Variants in FMO4 observed in about 807,000 individuals in gnomAD.
The protein encoded by FMO4 is flavin containing dimethylaniline monoxygenase 4, also known as dimethylaniline monooxygenase [N-oxide-forming] 4.
In FMO4, 38 loss-of-function variants were observed where a neutral mutation model predicts 43.3. That is an observed-to-expected ratio of 0.88 (90% CI 0.68 to 1.15). The LOEUF (loss-of-function observed/expected upper bound fraction) is 1.15. Ranked by LOEUF, FMO4 falls within the 50% of genes most tolerant of loss-of-function variation. The pLI is 0.00. For synonymous variants in FMO4, 224 were observed against 232.2 expected, an observed-to-expected ratio of 0.96 and a Z score of 0.32; for missense variants, 631 against 663.3, an observed-to-expected ratio of 0.95 and a Z score of 0.54.
intron 4 of FMO4, among the ~76,000 whole-genome samples, chr1:171,323,514 A>G (rs938455316): frequency 6.6e-6 from 1 of 152,096 alleles, no homozygotes; most frequent in African/African-American, 2.4e-5. Context: ...AAATACAAAA[A>G]TTAGCTGGGT....
At chr1:171,337,595 G>A (rs1040881356) in intron 9 of FMO4, among the ~76,000 whole-genome samples, 170 bp downstream of exon 9, 6 of 152,156 alleles carry the variant, frequency 3.9e-5, no homozygotes, top group African/African-American at 4.8e-5. Context: ...CCAATCAGAC[G>A]TGGCCTTAGA....
In FMO4 at chr1:171,341,562, C is replaced by T. The variant is rs1273103273; in HGVS notation, c.1400C>T (p.Thr467Ile). 6.2e-7 allele frequency: 1 copy of T among 1,614,074 alleles called. No individual in the cohort carries two copies. Among genetic ancestry groups the T allele is most frequent in the Non-Finnish European group, 8.5e-7 (1 of 1,179,992 alleles). ...TGGGAAGTTTTCTTTGGACCATGTA[C>T]TCCTTATCAGTACCGCCTCATGGGC... ...LAWEVFFGPC[T>I]PYQYRLMGPG... Residue 467 changes from threonine to isoleucine, a missense_variant, in exon 10 of 10, where the codon ACT becomes ATT. By Grantham distance (89) the Thr-to-Ile change is moderately conservative (BLOSUM62 -1). Coordinates refer to ENST00000367749, the MANE Select transcript of FMO4 (RefSeq NM_002022.3).
In FMO4 at chr1:171,316,300, C is replaced by T. The variant is rs118010831; in HGVS notation, c.-36C>T. On this transcript the variant is annotated 5_prime_UTR_variant, in exon 2 of 10. Transcript: ENST00000367749. ...TCTGATTAGAAGCTGTCTAAACCTC[C>T]TACTCCTCAACTCAAAGGAAAACAC... 63 of 152,204 alleles carry T rather than the reference C, an allele frequency of 4.1e-4. 2 individuals are homozygous for T. In the East Asian group the frequency reaches 0.01, roughly 24 times the overall value. 9.4% of individuals were successfully genotyped at this position (152,204 alleles called of 1,614,324 possible). A position where few individuals can be genotyped will look rare whatever the true frequency, so the allele number is the denominator to read the frequency against.
At chr1:171,328,999 A>G (rs1254361722) in intron 5 of FMO4, among the ~76,000 whole-genome samples, 3 of 152,212 alleles carry the variant, frequency 2.0e-5, no homozygotes, top group Non-Finnish European at 1.5e-5. Flanking sequence ...TATGTAATGT[A>G]AAAGCTTCTC....
intron 4 of FMO4, 63 bp downstream of exon 4, chr1:171,323,255 A>G (rs1157035980): frequency 1.8e-6 from 2 of 1,084,464 alleles, no homozygotes; most frequent in African/African-American, 3.2e-5. Context: ...CAATCTAATG[A>G]AAATTGGATG....
intron 5 of FMO4, among the ~76,000 whole-genome samples, chr1:171,330,021 A>G (rs1457798491): frequency 6.6e-6 from 1 of 152,218 alleles, no homozygotes; most frequent in East Asian, 1.9e-4. Context: ...AACTGCTTTA[A>G]AAAAGAACAC....
intron 8 of FMO4, among the ~76,000 whole-genome samples, chr1:171,336,961 G>GCACACACACACACACA (rs35512975): frequency 2.0e-5 from 3 of 147,028 alleles, no homozygotes; most frequent in South Asian, 4.4e-4. Context: ...ACACAAACAT[G>GCACACACACACACACA]CACACACACA....
Position 171,319,825 on chromosome 1 carries a change from C to T in FMO4, c.-1C>T, listed in dbSNP as rs1457507365. The T allele has an allele frequency of 6.2e-7, 1 of 1,613,598 alleles. No individual in the cohort carries two copies. Among genetic ancestry groups the T allele is most frequent in the East Asian group, 2.2e-5 (1 of 44,864 alleles). The stretch of plus-strand genomic sequence containing the variant: ...TTGACTTTCCTCTAACAGAGCATAC[C>T]ATGGCCAAGAAAGTTGCAGTGATTG... On this transcript the variant is annotated 5_prime_UTR_variant, in exon 3 of 10. Transcript: ENST00000367749.
At chr1:171,341,211 A>G (rs966631096) in intron 9 of FMO4, among the ~76,000 whole-genome samples, 1 of 152,190 alleles carries the variant, frequency 6.6e-6, no homozygotes, top group African/African-American at 2.4e-5. Context: ...CATCTCTAGT[A>G]AAATTAATTA....
intron 3 of FMO4, 53 bp downstream of exon 3, chr1:171,320,010 T>G: frequency 1.9e-6 from 3 of 1,602,664 alleles, no homozygotes; most frequent in Non-Finnish European, 2.6e-6. Flanking sequence ...TTGTCTCTGC[T>G]CAGACATGGT....
intron 2 of FMO4, among the ~76,000 whole-genome samples, chr1:171,317,847 T>C (rs76310481): frequency 0.011 from 1,656 of 152,298 alleles, 36 homozygotes; most frequent in African/African-American, 0.038. Context: ...TTTAGGACTC[T>C]AAATGCTTTG....
rs1430016861 is a variant in FMO4 at position 171,341,853 on chromosome 1, A to G, written c.*14A>G. ...TGGCGAGGATGAACCTGATTGTTAC[A>G]AGGGTTACACAAAGTCATGCTAATT... On this transcript the variant is annotated 3_prime_UTR_variant, in exon 10 of 10. Coordinates refer to ENST00000367749, the MANE Select transcript of FMO4 (RefSeq NM_002022.3). 1.1e-5 allele frequency: 18 copies of G among 1,596,402 alleles called. No individual in the cohort carries two copies. The highest frequency in any genetic ancestry group is 1.4e-5 in the Non-Finnish European group (16 of 1,169,942).
Position 171,341,447 on chromosome 1 carries a change from G to A in FMO4, c.1285G>A (p.Asp429Asn). Residue 429 changes from aspartate (D) to asparagine (N), a missense_variant, in exon 10 of 10, where the codon GAC becomes AAC. By Grantham distance (23) the Asp-to-Asn change is conservative. Transcript: ENST00000367749. The part of the protein sequence containing the change: ...VFKDTSKDKF[D>N]YIAYMDDIAA... ...TAAAGACACCAGCAAAGACAAATTTGACTACATTGCCTACATGGATGATAT... is the reference window on the plus strand; with the variant it reads ...TAAAGACACCAGCAAAGACAAATTTAACTACATTGCCTACATGGATGATAT... 6.2e-7 allele frequency: 1 copy of A among 1,613,794 alleles called. No individual in the cohort carries two copies. The highest frequency in any genetic ancestry group is 8.5e-7 in the Non-Finnish European group (1 of 1,179,884).
chr1:171,341,298 T>A lies in FMO4; in HGVS notation c.1251-115T>A, dbSNP rs915977768. 4 of 728,852 alleles carry A rather than the reference T, an allele frequency of 5.5e-6. No homozygotes were observed. The Admixed American group carries it at 1.1e-4, about 21-fold the overall frequency. The allele number at this position is 728,852 out of a possible 1,614,324, so 45.1% of individuals were successfully genotyped here. ...CATACAAAAACATTCCCAAATATGG[T>A]TTGATTTCCCCCAAAAAATGTAACA... On this transcript the variant is annotated intron_variant, in intron 9 of 9. Transcript: ENST00000367749.
intron 3 of FMO4, among the ~76,000 whole-genome samples, chr1:171,320,831 C>CA (rs1662390313): frequency 1.3e-5 from 2 of 149,534 alleles, no homozygotes; most frequent in African/African-American, 5.1e-5. Context: ...AAATGAAAAA[C>CA]AAACAAAAAA....
chr1:171,317,920 G>A (rs973295746), intron 2 of FMO4, among the ~76,000 whole-genome samples: 3 of 152,148 alleles, frequency 2.0e-5, no homozygotes, highest in African/African-American at 7.2e-5. Context: ...TGATAGCAAA[G>A]AGCCCCTTTA....
At chr1:171,337,183 G>A (rs1284886229) in intron 8 of FMO4, among the ~76,000 whole-genome samples, 173 bp from the exon 9 acceptor site, 1 of 152,104 alleles carries the variant, frequency 6.6e-6, no homozygotes, top group Non-Finnish European at 1.5e-5. Flanking sequence ...AGTGAACTGG[G>A]CGGGGAATTT....
At chr1:171,333,555 G>A (rs1014920325) in intron 7 of FMO4, among the ~76,000 whole-genome samples, 1 of 152,078 alleles carries the variant, frequency 6.6e-6, no homozygotes, top group African/African-American at 2.4e-5. Flanking sequence ...CATCTGTATA[G>A]AGTTGCACAT....
At chr1:171,319,506 G>C (rs1258715556) in intron 2 of FMO4, among the ~76,000 whole-genome samples, 1 of 152,142 alleles carries the variant, frequency 6.6e-6, no homozygotes, top group Non-Finnish European at 1.5e-5. Context: ...CCAGGGAACT[G>C]CTCTCTCCTA....
Sources: allele counts gnomAD v4.1 joint callset (sites outside exome capture counted in the v4.1 genomes callset), GRCh38; gene constraint gnomAD v4.1.1; transcripts MANE v1.5; gene names NCBI Gene and HGNC (gene_info 2026-07-23, HGNC 2026-07-21).